The following MDN1 variants were observed in gnomAD, a reference collection of about 807,000 sequenced individuals.
The protein encoded by MDN1 is midasin AAA ATPase 1, also known as midasin.
In MDN1, 266 loss-of-function variants were observed where a neutral mutation model predicts 669.2. The ratio of observed to expected loss-of-function variants is 0.40; its 90% confidence interval spans 0.36 to 0.44. The LOEUF (loss-of-function observed/expected upper bound fraction) is 0.44, where lower values mean the gene tolerates loss of function less well. Ranked by LOEUF, MDN1 falls within the 20% of genes least tolerant of loss-of-function variation. MDN1 has a pLI of 1.00. For missense variants in MDN1, 5,940 were observed against 6,754.0 expected (o/e 0.88, Z 4.22); for synonymous variants, 2,385 against 2,457.1 (o/e 0.97, Z 0.87).
In MDN1 at chr6:89,730,858, T is replaced by C. The variant is rs552155845; in HGVS notation, c.5008A>G (p.Lys1670Glu). The C allele has an allele frequency of 1.2e-6, 2 of 1,614,120 alleles. No individual in the cohort carries two copies. Residue 1670 changes from lysine to glutamate, a missense_variant, in exon 35 of 102, where the codon AAG becomes GAG. By Grantham distance (56) the Lys-to-Glu change is moderately conservative. Coordinates refer to ENST00000369393, the MANE Select transcript of MDN1 (RefSeq NM_014611.3). ...ARKECLKFLIKRLAKIVRLTE... is the reference protein window; with the variant it reads ...ARKECLKFLIERLAKIVRLTE... The stretch of plus-strand genomic sequence containing the variant: ...AGTCGTACTATCTTGGCAAGCCTCT[T>C]GATTAGAAATTTCAGACATTCTTTT...
At position 89,740,278 on chromosome 6, in the gene MDN1, T is replaced by A. The variant is rs1173623925; in HGVS notation, c.4549A>T (p.Ile1517Phe). The A allele has an allele frequency of 6.2e-7, 1 of 1,611,818 alleles. No homozygotes were observed. Among genetic ancestry groups the A allele is most frequent in the African/African-American group, 1.3e-5 (1 of 74,786 alleles). Residue 1517 changes from isoleucine (I) to phenylalanine (F), a missense_variant, in exon 32 of 102, where the codon ATT becomes TTT. Coordinates refer to ENST00000369393, the MANE Select transcript of MDN1 (RefSeq NM_014611.3). ...CCCCCAGGGTTCATGGTTGCTAGAA[T>A]ACGAAATTTTTTCCCAGCAGTCAAC... is the stretch of plus-strand genomic sequence containing the variant. ...ELLTAGKKFR[I>F]LATMNPGGDF...
In MDN1 at chr6:89,727,868, C is replaced by T. The variant is rs751912771; in HGVS notation, c.5437G>A (p.Ala1813Thr). ...ACCACCCAATGGCCTGCCTTCAAAG[C>T]TGCCAGTAAGGGGCCATCACGCCAG... ...FAWRDGPLLA[A>T]LKAGHWVVLD... The change falls in exon 37 of 102, where the codon GCT (alanine) becomes ACT (threonine). Residue 1813 changes from alanine (A) to threonine (T), a missense_variant. Physicochemically the swap from Ala to Thr is moderately conservative, Grantham distance 58. Transcript: ENST00000369393. The T allele has an allele frequency of 6.2e-7, 1 of 1,614,014 alleles. No homozygotes were observed. Among genetic ancestry groups the T allele is most frequent in the Admixed American group, 1.7e-5 (1 of 60,010 alleles).
intron 11 of MDN1, 52 bp downstream of exon 11, chr6:89,780,160 G>A: frequency 9.8e-7 from 1 of 1,022,092 alleles, no homozygotes; most frequent in Non-Finnish European, 1.4e-6. Flanking sequence ...AACAACGGAA[G>A]TCAACAGCCT....
rs1218558203 is a variant in MDN1 at position 89,819,790 on chromosome 6, T to A, written c.-183A>T. On this transcript the variant is annotated 5_prime_UTR_variant, in exon 1 of 102. Coordinates refer to ENST00000369393, the MANE Select transcript of MDN1 (RefSeq NM_014611.3). ...GTGGGTGAGCACACGGCGTTTGACG[T>A]CATCAGCTCGGGACGGCTACGCTGC... 6.8e-6 allele frequency: 4 copies of A among 591,098 alleles called. No homozygotes were observed. The African/African-American group carries it at 7.5e-5, about 11-fold the overall frequency. 36.6% of individuals were successfully genotyped at this position (591,098 alleles called of 1,614,324 possible).
intron 67 of MDN1, among the ~76,000 whole-genome samples, 175 bp downstream of exon 67, chr6:89,687,903 A>T (rs367816601): frequency 6.6e-6 from 1 of 152,200 alleles, no homozygotes; most frequent in Non-Finnish European, 1.5e-5. Context: ...GCTAGCCCTC[A>T]CCACAGGGGC....
chr6:89,813,824 A>T (rs1768618123), intron 1 of MDN1, among the ~76,000 whole-genome samples: 1 of 151,774 alleles, frequency 6.6e-6, no homozygotes, highest in Non-Finnish European at 1.5e-5. Flanking sequence ...TATGCCTGTA[A>T]TTCCAGCATT....
chr6:89,745,548 T>C lies in MDN1; in HGVS notation c.3983A>G (p.Lys1328Arg). 2 of 1,614,236 alleles carry C rather than the reference T, an allele frequency of 1.2e-6. No homozygotes were observed. Among genetic ancestry groups the C allele is most frequent in the Non-Finnish European group, 1.7e-6 (2 of 1,180,040 alleles). ...VIQEVLEKHF[K>R]KKLCPQSLFS... ...AAGAGATTGAGGACACAATTTTTTC[T>C]TGAAATGTTTCTCAAGGACTTCTTG... The change falls in exon 28 of 102, where the codon AAG becomes AGG. Residue 1328 changes from lysine to arginine, a missense_variant. By Grantham distance (26) the Lys-to-Arg change is conservative. Around this residue, in one of 5 missense-constraint regions of MDN1, gnomAD observed 2,292 missense variants for 2,638.3 expected, o/e 0.87. Coordinates refer to ENST00000369393, the MANE Select transcript of MDN1 (RefSeq NM_014611.3).
rs373482246 is a variant in MDN1, at chr6:89,756,273, C to T, written c.2816+4G>A. 1.3e-5 allele frequency: 19 copies of T among 1,466,248 alleles called. No homozygotes were observed. Among genetic ancestry groups the T allele is most frequent in the Middle Eastern group, 1.8e-4 (1 of 5,698 alleles). 90.8% of individuals were successfully genotyped at this position (1,466,248 alleles called of 1,614,324 possible). ...CTTATAAAGACATACAAAAGGGAAC[C>T]TACTTTATGATTCCTTGCACTGTAT... is the stretch of plus-strand genomic sequence containing the variant. On this transcript the variant is annotated splice_donor_region_variant and intron_variant, in intron 20 of 101. Transcript: ENST00000369393.
rs751078459 is a variant in MDN1, at chr6:89,719,187, G to C, written c.6006C>G (p.Ser2002=). 1.9e-6 allele frequency: 3 copies of C among 1,613,752 alleles called. No individual in the cohort carries two copies. The African/African-American group carries it at 4.0e-5, about 22-fold the overall frequency. Residue 2002 remains serine, a synonymous_variant, in exon 41 of 102, where the codon TCC becomes TCG. Transcript: ENST00000369393. ...ATAGTCTGGTTCCCATGTATGGGTT[G>C]GAATTTGAACCAAACACATCCTTGA... The part of the protein sequence containing the change: ...AVFKDVFGSN[S]NPYMGTRLFR...
chr6:89,762,011 G>C (rs936900932), intron 16 of MDN1, among the ~76,000 whole-genome samples: 1 of 152,124 alleles, frequency 6.6e-6, no homozygotes, highest in Non-Finnish European at 1.5e-5. Flanking sequence ...TTACAGATAA[G>C]GAACCACACA....
At chr6:89,721,422 G>T (rs1814815509) in intron 40 of MDN1, among the ~76,000 whole-genome samples, 1 of 152,154 alleles carries the variant, frequency 6.6e-6, no homozygotes, top group African/African-American at 2.4e-5. Context: ...ATCCGTGGAT[G>T]GCTTGCTTGG....
rs1812699335 is a variant in MDN1, at chr6:89,695,812, C to T, written c.9564G>A (p.Val3188=). 1.9e-6 allele frequency: 3 copies of T among 1,613,602 alleles called. No homozygotes were observed. The highest frequency in any genetic ancestry group is 1.3e-5 in the African/African-American group (1 of 74,940). The change falls in exon 61 of 102, where the codon GTG becomes GTA. Residue 3188 remains valine, a synonymous_variant. Transcript: ENST00000369393. This position sits in a 1 kb window ranked among gnomAD's most constrained non-coding sequence, Gnocchi z 4.1. ...QTLGDMAGQE[V]LPKELLCQLL... is the part of the protein sequence containing the mutation. ...ACTGGCAGAGCAGTTCCTTGGGCAG[C>T]ACCTCCTGACCAGCCATGTCCCCAA...
intron 13 of MDN1, among the ~76,000 whole-genome samples, chr6:89,774,284 T>C (rs1818246370): frequency 6.6e-6 from 1 of 152,204 alleles, no homozygotes; most frequent in Admixed American, 6.5e-5. Flanking sequence ...TCTCAGAATC[T>C]TATATAACCC....
Position 89,644,009 on chromosome 6 carries a change from G to C in MDN1, c.16787C>G (p.Pro5596Arg). 1 of 1,608,708 alleles carries C rather than the reference G, an allele frequency of 6.2e-7. No homozygotes were observed. Among genetic ancestry groups the C allele is most frequent in the South Asian group, 1.1e-5 (1 of 90,046 alleles). ...CTTTGGACTCTTCTTTCTGTTCTAT[G>C]GGTGGTCAGAGGCTGTCACCAACTC... ...WFELVTASDH[P>R] The change falls in exon 102 of 102, where the codon CCA (proline) becomes CGA (arginine). Residue 5596 changes from proline (P) to arginine (R), a missense_variant. Coordinates refer to ENST00000369393, the MANE Select transcript of MDN1 (RefSeq NM_014611.3).
At chr6:89,818,151 C>T (rs12205020) in intron 1 of MDN1, among the ~76,000 whole-genome samples, 4,647 of 151,406 alleles carry the variant, frequency 0.031, 109 homozygotes, top group Non-Finnish European at 0.049. Flanking sequence ...AACCCTGTCT[C>T]TACTAAAAAT....
rs774816868 is a variant in MDN1, at chr6:89,753,484, A to AAATATTTGTTATTT, written c.3075+27_3075+28insAAATAACAAATATT. ...TTGGTAATTCAGCCTTTCAAGTGTA[A>AAATATTTGTTATTT]CAAGTCAAAAATAACAAAAGAACAT... On this transcript the variant is annotated intron_variant, in intron 22 of 101. Transcript: ENST00000369393. The AAATATTTGTTATTT allele has an allele frequency of 1.9e-6, 3 of 1,541,576 alleles. No individual in the cohort carries two copies. The Admixed American group carries it at 5.3e-5, about 27-fold the overall frequency.
At chr6:89,809,707 C>G (rs1207133948) in intron 1 of MDN1, among the ~76,000 whole-genome samples, 1 of 150,840 alleles carries the variant, frequency 6.6e-6, no homozygotes, top group African/African-American at 2.4e-5. Context: ...ACCCAGGAAG[C>G]AGAGGTTGCA....
At chr6:89,806,172 A>T (rs1768005410) in intron 1 of MDN1, among the ~76,000 whole-genome samples, 1 of 152,132 alleles carries the variant, frequency 6.6e-6, no homozygotes, top group Non-Finnish European at 1.5e-5. Flanking sequence ...TCCTGAGCTC[A>T]AGCAATCCTC....
intron 12 of MDN1, 138 bp from the exon 13 acceptor site, chr6:89,774,871 TTCATAAAG>T: frequency 1.7e-6 from 1 of 583,378 alleles, no homozygotes; most frequent in Non-Finnish European, 3.1e-6. Context: ...GAGTTGGCTT[TTCATAAAG>T]AAATTTCTTT....
Sources: allele counts gnomAD v4.1 joint callset (sites outside exome capture counted in the v4.1 genomes callset), GRCh38; gene constraint gnomAD v4.1.1; regional missense constraint gnomAD v4.1.1; non-coding constraint Gnocchi (gnomAD v3.1); transcripts MANE v1.5; gene names NCBI Gene and HGNC (gene_info 2026-07-23, HGNC 2026-07-21).